Variants in TSPAN15 observed in about 807,000 individuals in gnomAD.
TSPAN15 encodes tetraspanin-15.
Under a neutral mutation model 34.5 loss-of-function variants are expected in TSPAN15, and 20 were observed. The observed-to-expected ratio is 0.58, with a 90% CI of 0.41 to 0.84. The LOEUF is 0.84. Among genes scored for constraint, TSPAN15 ranks in the 40% least tolerant of loss-of-function variants. The pLI is 0.00. For synonymous variants in TSPAN15, 155 were observed against 153.9 expected (o/e 1.01, Z -0.05); for missense variants, 313 against 386.1 (o/e 0.81, Z 1.59).
At chr10:69,534,238 A>C in the TSPAN15 span, among the ~76,000 whole-genome samples, 1 of 152,236 alleles carries the variant, frequency 6.6e-6, no homozygotes, top group Non-Finnish European at 1.5e-5. Context: ...TTTAAGTACA[A>C]AAGCAGAGAC....
At chr10:69,462,604 G>A (rs969508617) in intron 1 of TSPAN15, among the ~76,000 whole-genome samples, 2 of 152,132 alleles carry the variant, frequency 1.3e-5, no homozygotes, top group Non-Finnish European at 2.9e-5. Context: ...CAAAGTGCTG[G>A]GATTACAGGC....
At chr10:69,479,252 T>G (rs969224403) in intron 1 of TSPAN15, among the ~76,000 whole-genome samples, 5 of 152,254 alleles carry the variant, frequency 3.3e-5, no homozygotes, top group African/African-American at 7.2e-5. Context: ...GGTGACCAGA[T>G]GCTTCCTTCA....
chr10:69,499,067 C>T (rs750493595), intron 5 of TSPAN15, among the ~76,000 whole-genome samples: 2 of 152,230 alleles, frequency 1.3e-5, no homozygotes, highest in African/African-American at 2.4e-5. Context: ...CCTCTCGGGT[C>T]TGTCACCTTG....
In TSPAN15 at chr10:69,482,955, G is replaced by T. The variant is rs1341277004; in HGVS notation, c.97-736G>T. Among the ~76,000 whole-genome samples the T allele has an allele frequency of 2.7e-5, 4 of 148,954 alleles. No homozygotes were observed. The East Asian group carries it at 7.8e-4, about 29-fold the overall frequency. ...GAGGTTAGAAGTCCAAGATCAAGGT[G>T]GCAGGGTTGATTTTTTTTTTTTGTT... On this transcript the variant is annotated intron_variant, in intron 1 of 7. Transcript: ENST00000373290.
chr10:69,544,157 TGA>T, the TSPAN15 span, among the ~76,000 whole-genome samples: 2 of 152,186 alleles, frequency 1.3e-5, no homozygotes, highest in Non-Finnish European at 1.5e-5. Flanking sequence ...TTCCCTGACC[TGA>T]GTCATCAAAG....
downstream of TSPAN15, among the ~76,000 whole-genome samples, chr10:69,507,841 C>T (rs1419356597): frequency 1.3e-5 from 2 of 151,220 alleles, no homozygotes; most frequent in East Asian, 2.0e-4. Context: ...CAGAGGTGAC[C>T]ACGCCTATTT....
intron 1 of TSPAN15, among the ~76,000 whole-genome samples, chr10:69,474,296 C>A (rs1193648757): frequency 6.6e-6 from 1 of 152,166 alleles, no homozygotes; most frequent in Non-Finnish European, 1.5e-5. Flanking sequence ...TGGAACTCCT[C>A]TTGCCCTCAC....
the TSPAN15 span, among the ~76,000 whole-genome samples, chr10:69,523,887 G>A: frequency 6.8e-6 from 1 of 147,554 alleles, no homozygotes. Flanking sequence ...TGGCTATTTG[G>A]GGTCCTTTTT....
chr10:69,531,000 A>G, the TSPAN15 span, among the ~76,000 whole-genome samples: 1 of 145,440 alleles, frequency 6.9e-6, no homozygotes, highest in African/African-American at 2.5e-5. Flanking sequence ...ATCTCTTACA[A>G]CAACTCTAAC....
At chr10:69,508,171 T>G (rs542757891), downstream of TSPAN15, among the ~76,000 whole-genome samples, 1 of 152,122 alleles carries the variant, frequency 6.6e-6, no homozygotes, top group South Asian at 2.1e-4. Flanking sequence ...AGGCCGGGCA[T>G]GGTGGCTCAC....
chr10:69,495,818 T>G, intron 4 of TSPAN15, 129 bp downstream of exon 4: 1 of 675,378 alleles, frequency 1.5e-6, no homozygotes, highest in Non-Finnish European at 2.6e-6. Flanking sequence ...GCTGGCCAGA[T>G]TGGGAGGCAA....
chr10:69,482,080 A>C (rs1389789799), intron 1 of TSPAN15, among the ~76,000 whole-genome samples: 1 of 152,164 alleles, frequency 6.6e-6, no homozygotes, highest in Non-Finnish European at 1.5e-5. Flanking sequence ...AAAAAAAAAA[A>C]AACCAACCAG....
chr10:69,484,010 C>A, intron 2 of TSPAN15, 134 bp downstream of exon 2: 2 of 906,198 alleles, frequency 2.2e-6, no homozygotes, highest in South Asian at 2.1e-5. Context: ...TTAGATCAGC[C>A]CATCTGACCA....
At chr10:69,539,533 A>AAGAAGAAGAAGGAGAAGG in the TSPAN15 span, among the ~76,000 whole-genome samples, 2 of 48,314 alleles carry the variant, frequency 4.1e-5, no homozygotes, top group South Asian at 5.8e-4. Flanking sequence ...GAAGAAGAAG[A>AAGAAGAAGAAGGAGAAGG]AGAAGGAGAA....
chr10:69,475,967 TAATA>T (rs1259441167), intron 1 of TSPAN15, among the ~76,000 whole-genome samples: 1 of 152,108 alleles, frequency 6.6e-6, no homozygotes, highest in African/African-American at 2.4e-5. Context: ...AATTTACAAA[TAATA>T]AATATTTATT....
intron 3 of TSPAN15, among the ~76,000 whole-genome samples, chr10:69,494,115 G>GTGC (rs1842026808): frequency 6.6e-6 from 1 of 152,182 alleles, no homozygotes; most frequent in African/African-American, 2.4e-5. Flanking sequence ...TGCCAGTGGT[G>GTGC]TGCTGGGCAA....
At chr10:69,537,406 A>G in the TSPAN15 span, among the ~76,000 whole-genome samples, 1 of 152,232 alleles carries the variant, frequency 6.6e-6, no homozygotes, top group Non-Finnish European at 1.5e-5. Context: ...GTCAGGTACC[A>G]TCTGTGCTGA....
At chr10:69,473,660 G>GCC (rs1841553319) in intron 1 of TSPAN15, among the ~76,000 whole-genome samples, 1 of 152,168 alleles carries the variant, frequency 6.6e-6, no homozygotes, top group African/African-American at 2.4e-5. Context: ...TAAGGGACTT[G>GCC]CCCAAGGTCA....
At chr10:69,525,778 A>C in the TSPAN15 span, among the ~76,000 whole-genome samples, 7 of 140,800 alleles carry the variant, frequency 5.0e-5, no homozygotes. Context: ...CTGAGATCGC[A>C]CCACTGCACT....
Sources: gnomAD v4.1 joint callset for allele counts (sites outside exome capture counted in the v4.1 genomes callset) on GRCh38, gnomAD v4.1.1 for gene constraint, MANE v1.5 for transcripts, NCBI Gene and HGNC (gene_info 2026-07-23, HGNC 2026-07-21) for gene names.